The following LYPLAL1 variants were observed in gnomAD, a reference collection of about 807,000 sequenced individuals.
The protein encoded by LYPLAL1 is lysophospholipase-like protein 1.
Under a neutral mutation model 19.7 loss-of-function variants are expected in LYPLAL1, and 23 were observed. That is an observed-to-expected ratio of 1.17 (90% confidence interval 0.84 to 1.65). The LOEUF is 1.65. Among genes scored for constraint, LYPLAL1 ranks in the 40% most tolerant of loss-of-function variants. The probability of loss-of-function intolerance (pLI) is 0.00; values close to 1 mark genes in which losing one functional copy is unlikely to be tolerated. For missense variants in LYPLAL1, 355 were observed against 279.4 expected (o/e 1.27, Z -1.93); for synonymous variants, 119 against 96.3 (o/e 1.24, Z -1.38).
At chr1:219,410,818 T>G in the LYPLAL1 span, among the ~76,000 whole-genome samples, 4 of 152,248 alleles carry the variant, frequency 2.6e-5, no homozygotes, top group South Asian at 4.1e-4. Flanking sequence ...GAGGGTGTAC[T>G]GAGTCCCCCA....
the LYPLAL1 span, among the ~76,000 whole-genome samples, chr1:219,403,349 A>G: frequency 2.6e-5 from 4 of 152,196 alleles, no homozygotes; most frequent in Non-Finnish European, 5.9e-5. Context: ...GGATTGCAGA[A>G]GAGGGCCTCT....
the LYPLAL1 span, among the ~76,000 whole-genome samples, chr1:219,330,310 C>A: frequency 1.3e-5 from 2 of 152,128 alleles, no homozygotes; most frequent in African/African-American, 4.8e-5. Flanking sequence ...TGAGATACTG[C>A]AGACAATATA....
At chr1:219,369,516 C>G in the LYPLAL1 span, among the ~76,000 whole-genome samples, 1 of 152,320 alleles carries the variant, frequency 6.6e-6, no homozygotes, top group Admixed American at 6.5e-5. Flanking sequence ...TTGTAATCCG[C>G]CTGCCTTAGC....
At chr1:219,291,895 A>AAAAG in the LYPLAL1 span, among the ~76,000 whole-genome samples, 4 of 152,148 alleles carry the variant, frequency 2.6e-5, no homozygotes, top group African/African-American at 9.7e-5. Context: ...CAAAAAAAAA[A>AAAAG]AAAGAAAGAA....
chr1:219,308,534 C>A, the LYPLAL1 span, among the ~76,000 whole-genome samples: 1 of 152,122 alleles, frequency 6.6e-6, no homozygotes, highest in Non-Finnish European at 1.5e-5. Flanking sequence ...GGGCCGAGGG[C>A]CCCCATGCTG....
the LYPLAL1 span, among the ~76,000 whole-genome samples, chr1:219,310,253 T>C: frequency 6.6e-6 from 1 of 152,190 alleles, no homozygotes; most frequent in Non-Finnish European, 1.5e-5. Flanking sequence ...TACAAAAACA[T>C]TGTACCTATT....
the LYPLAL1 span, among the ~76,000 whole-genome samples, chr1:219,331,067 C>T: frequency 2.6e-5 from 4 of 152,158 alleles, no homozygotes; most frequent in African/African-American, 4.8e-5. Context: ...ATGTTCTTCT[C>T]ATCCTTCTGG....
the LYPLAL1 span, among the ~76,000 whole-genome samples, chr1:219,255,318 A>G: frequency 6.6e-6 from 1 of 151,788 alleles, no homozygotes; most frequent in African/African-American, 2.4e-5. Flanking sequence ...GAATGTAGAG[A>G]TCTTGTACAT....
intron 4 of LYPLAL1, 105 bp from the exon 5 acceptor site, chr1:219,211,387 A>T: frequency 1.3e-6 from 1 of 792,480 alleles, no homozygotes; most frequent in South Asian, 1.8e-5. Flanking sequence ...CCCATTAGTT[A>T]TTGAAGCCTT....
the LYPLAL1 span, among the ~76,000 whole-genome samples, chr1:219,252,869 T>A: frequency 1.3e-5 from 2 of 152,118 alleles, no homozygotes; most frequent in Non-Finnish European, 2.9e-5. Context: ...TACCAGCTCA[T>A]CTTTGTACAT....
At chr1:219,214,900 G>C (rs1363959545), downstream of LYPLAL1, among the ~76,000 whole-genome samples, 1 of 151,846 alleles carries the variant, frequency 6.6e-6, no homozygotes. Flanking sequence ...ATGCTGGCCA[G>C]GCTGGTCTCA....
chr1:219,252,807 TGAG>T, the LYPLAL1 span, among the ~76,000 whole-genome samples: 33 of 152,260 alleles, frequency 2.2e-4, no homozygotes, highest in Admixed American at 1.6e-3. Flanking sequence ...TAGAATGAGT[TGAG>T]GAGGAGTCCC....
chr1:219,237,633 TTTTGTC>T, the LYPLAL1 span, among the ~76,000 whole-genome samples: 4 of 152,296 alleles, frequency 2.6e-5, no homozygotes, highest in Admixed American at 1.3e-4. Context: ...TTTGTCTAGT[TTTTGTC>T]TGTTTGTTGT....
chr1:219,321,975 G>A, the LYPLAL1 span, among the ~76,000 whole-genome samples: 1 of 152,170 alleles, frequency 6.6e-6, no homozygotes, highest in Non-Finnish European at 1.5e-5. Context: ...GATAAAACTA[G>A]ACAAAATCTG....
chr1:219,273,807 G>A, the LYPLAL1 span, among the ~76,000 whole-genome samples: 1 of 152,076 alleles, frequency 6.6e-6, no homozygotes, highest in East Asian at 1.9e-4. Flanking sequence ...TGTTGCCCAG[G>A]CTGGAGTGCA....
chr1:219,394,478 G>C, the LYPLAL1 span, among the ~76,000 whole-genome samples: 1 of 152,046 alleles, frequency 6.6e-6, no homozygotes, highest in African/African-American at 2.4e-5. Flanking sequence ...CATTAAACCA[G>C]AACTCCCCAT....
chr1:219,356,504 A>T, the LYPLAL1 span, among the ~76,000 whole-genome samples: 5,804 of 152,286 alleles, frequency 0.038, 356 homozygotes, highest in African/African-American at 0.13. Context: ...CGTCTCAACA[A>T]CAACAACAAA....
the LYPLAL1 span, among the ~76,000 whole-genome samples, chr1:219,237,191 T>G: frequency 6.6e-6 from 1 of 152,222 alleles, no homozygotes; most frequent in Non-Finnish European, 1.5e-5. Flanking sequence ...GCTGAGAATA[T>G]TTTAGTGAGC....
chr1:219,206,868 T>C (rs563134204), intron 3 of LYPLAL1, among the ~76,000 whole-genome samples: 1 of 152,118 alleles, frequency 6.6e-6, no homozygotes, highest in African/African-American at 2.4e-5. Flanking sequence ...CTTTTTAATG[T>C]AAGTTTTTGC....
Sources: allele counts gnomAD v4.1 joint callset (sites outside exome capture counted in the v4.1 genomes callset), GRCh38; gene constraint gnomAD v4.1.1; transcripts MANE v1.5; gene names NCBI Gene and HGNC (gene_info 2026-07-23, HGNC 2026-07-21).